Variants in EHBP1 observed in about 807,000 individuals in gnomAD.
The protein encoded by EHBP1 is EH domain binding protein 1.
In EHBP1, 55 loss-of-function variants were observed where a neutral mutation model predicts 144.0. That is an observed-to-expected ratio of 0.38 (90% confidence interval 0.31 to 0.48). The LOEUF is 0.48. Among genes scored for constraint, EHBP1 ranks in the 20% least tolerant of loss-of-function variants. The pLI, the probability that EHBP1 is intolerant of heterozygous loss-of-function variation, is 0.98. For synonymous variants in EHBP1, 469 were observed against 472.7 expected (o/e 0.99, Z 0.10); for missense variants, 1,200 against 1,364.2 (o/e 0.88, Z 1.90).
chr2:62,856,835 T>G (rs55942422), intron 7 of EHBP1, among the ~76,000 whole-genome samples: 1,730 of 152,318 alleles, frequency 0.011, 18 homozygotes, highest in Middle Eastern at 0.044. Flanking sequence ...CAGATGGAAT[T>G]AAGGTTGTTT....
chr2:63,040,848 G>A (rs1470432318), intron 21 of EHBP1, among the ~76,000 whole-genome samples: 1 of 152,216 alleles, frequency 6.6e-6, no homozygotes, highest in African/African-American at 2.4e-5. Flanking sequence ...TGTGAAGACA[G>A]TGTCCTCTGA....
chr2:62,953,217 CAAAAAAAAAAA>C (rs35848429), intron 13 of EHBP1, among the ~76,000 whole-genome samples: 1 of 64,492 alleles, frequency 1.6e-5, no homozygotes, highest in African/African-American at 6.3e-5. Context: ...AAGTCCGTCT[CAAAAAAAAAAA>C]AAAAAAAAAA....
intron 21 of EHBP1, among the ~76,000 whole-genome samples, chr2:63,043,754 T>G (rs535777666): frequency 6.6e-6 from 1 of 151,904 alleles, no homozygotes; most frequent in African/African-American, 2.4e-5. Flanking sequence ...ACCAGCGGTG[T>G]GCATTGTTAG....
intron 3 of EHBP1, among the ~76,000 whole-genome samples, chr2:62,752,254 C>T (rs1227913526): frequency 2.6e-5 from 4 of 152,198 alleles, no homozygotes; most frequent in Non-Finnish European, 4.4e-5. Context: ...AGTAGCCATT[C>T]AGGAGCAGGT....
chr2:62,769,402 T>G (rs1414417105), intron 4 of EHBP1, among the ~76,000 whole-genome samples: 1 of 152,098 alleles, frequency 6.6e-6, no homozygotes, highest in Non-Finnish European at 1.5e-5. Context: ...CACAATCCCA[T>G]TTATAATTGC....
intron 10 of EHBP1, among the ~76,000 whole-genome samples, chr2:62,932,859 A>T (rs948377292): frequency 1.3e-5 from 2 of 151,518 alleles, no homozygotes; most frequent in African/African-American, 4.9e-5. Context: ...GAGGCTGAGG[A>T]AGGAAAATTG....
chr2:63,015,148 C>G (rs2153263754), intron 19 of EHBP1, among the ~76,000 whole-genome samples: 1 of 152,272 alleles, frequency 6.6e-6, no homozygotes, highest in East Asian at 1.9e-4. Flanking sequence ...TTTCTATATA[C>G]TGTTCTTTAA....
At chr2:62,903,552 T>A (rs2053572183) in intron 10 of EHBP1, among the ~76,000 whole-genome samples, 1 of 152,178 alleles carries the variant, frequency 6.6e-6, no homozygotes, top group African/African-American at 2.4e-5. Context: ...TGCTTGTGCC[T>A]AGGATTTTGA....
At chr2:62,749,753 A>C (rs2039500621) in intron 3 of EHBP1, among the ~76,000 whole-genome samples, 1 of 152,036 alleles carries the variant, frequency 6.6e-6, no homozygotes, top group Non-Finnish European at 1.5e-5. Flanking sequence ...GCATTTTTTC[A>C]TGTGTCTTTT....
intron 10 of EHBP1, among the ~76,000 whole-genome samples, chr2:62,895,495 A>AT (rs1411303842): frequency 1.3e-5 from 2 of 152,130 alleles, no homozygotes; most frequent in African/African-American, 4.8e-5. Context: ...GGCCCCAGTG[A>AT]CTTCCTTTGA....
rs1342822744 is a variant in EHBP1 at position 62,882,925 on chromosome 2, T to C, written c.1185+8393T>C. On this transcript the variant is annotated intron_variant, in intron 10 of 22. Transcript: ENST00000431489. ...AGGAAACAAACTTAACAGTGCCTAC[T>C]GTATGCCGGGCAATATTTTGTTACC... 5.9e-5 allele frequency among the ~76,000 whole-genome samples: 9 copies of C among 151,558 alleles called. No individual in the cohort carries two copies. The East Asian group carries it at 1.7e-3, about 29-fold the overall frequency.
At chr2:62,708,324 A>C (rs1039627433) in intron 2 of EHBP1, among the ~76,000 whole-genome samples, 1 of 152,198 alleles carries the variant, frequency 6.6e-6, no homozygotes, top group Admixed American at 6.5e-5. Context: ...ACTTTATACC[A>C]GGTACTGTGG....
At chr2:62,718,195 A>G (rs766569070) in intron 2 of EHBP1, among the ~76,000 whole-genome samples, 27 of 152,224 alleles carry the variant, frequency 1.8e-4, no homozygotes, top group Non-Finnish European at 3.2e-4. Flanking sequence ...TGAGAAACCT[A>G]GTTTTCTGAT....
At chr2:62,976,691 C>T (rs995665712) in intron 14 of EHBP1, among the ~76,000 whole-genome samples, 1 of 152,106 alleles carries the variant, frequency 6.6e-6, no homozygotes, top group Admixed American at 6.5e-5. Flanking sequence ...CAAATGCTTT[C>T]ATGGATTCCT....
chr2:62,681,771 G>T (rs1295382345), intron 1 of EHBP1, among the ~76,000 whole-genome samples: 1 of 152,156 alleles, frequency 6.6e-6, no homozygotes, highest in African/African-American at 2.4e-5. Flanking sequence ...GGAATTAGAA[G>T]TCCAGAAGTT....
In EHBP1 at chr2:62,750,010, G is replaced by T. The variant is rs527853339; in HGVS notation, c.162+2558G>T. ...TAATTAAGTACCATTTGTCAATTTT[G>T]TCTTTTGTTGCCATTGCTTTTGGTG... On this transcript the variant is annotated intron_variant, in intron 3 of 22. Coordinates refer to ENST00000431489, the MANE Select transcript of EHBP1 (RefSeq NM_001142616.3). Among the ~76,000 whole-genome samples, 8 of 152,220 alleles carry T rather than the reference G, an allele frequency of 5.3e-5. No individual in the cohort carries two copies. The East Asian group carries it at 1.3e-3, about 26-fold the overall frequency.
chr2:62,855,087 C>T (rs139947697), intron 7 of EHBP1, among the ~76,000 whole-genome samples: 9 of 152,312 alleles, frequency 5.9e-5, no homozygotes, highest in Admixed American at 1.3e-4. Flanking sequence ...CTTGCCCAAA[C>T]GGCGGCTGCA....
At chr2:62,751,592 C>T (rs1304164976) in intron 3 of EHBP1, among the ~76,000 whole-genome samples, 1 of 152,116 alleles carries the variant, frequency 6.6e-6, no homozygotes. Context: ...CGGTAGAATT[C>T]GGCTGTGAAT....
chr2:62,953,771 A>T (rs994401486), intron 13 of EHBP1, among the ~76,000 whole-genome samples: 8 of 124,694 alleles, frequency 6.4e-5, no homozygotes, highest in East Asian at 4.1e-4. Flanking sequence ...CAGGAAAATT[A>T]AAAAAAAACT....
Sources: gnomAD v4.1 joint callset for allele counts (sites outside exome capture counted in the v4.1 genomes callset) on GRCh38, gnomAD v4.1.1 for gene constraint, MANE v1.5 for transcripts, NCBI Gene and HGNC (gene_info 2026-07-23, HGNC 2026-07-21) for gene names.